The following DNAH12 variants were observed in gnomAD, a reference collection of about 807,000 sequenced individuals.
DNAH12 encodes the protein axonemal beta dynein heavy chain 12.
DNAH12 carries 285 observed loss-of-function variants against 371.5 expected under a neutral mutation model. That is an observed-to-expected ratio of 0.77 (90% CI 0.70 to 0.85). DNAH12 has a LOEUF of 0.85. DNAH12 is among the 40% of genes least tolerant of loss of function. DNAH12 has a pLI of 0.00. For synonymous variants in DNAH12, 1,200 were observed against 1,213.0 expected (o/e 0.99, Z 0.22); for missense variants, 3,611 against 3,689.4 (o/e 0.98, Z 0.55).
chr3:57,437,663 CT>C (rs1199220180), intron 29 of DNAH12, among the ~76,000 whole-genome samples: 1 of 152,122 alleles, frequency 6.6e-6, no homozygotes, highest in Non-Finnish European at 1.5e-5. Context: ...GTTGTGTGGG[CT>C]TATGTGACAG....
chr3:57,412,032 T>C (rs9853229), intron 39 of DNAH12, among the ~76,000 whole-genome samples: 85,391 of 152,026 alleles, frequency 0.56, 25,278 homozygotes, highest in African/African-American at 0.76. Context: ...TAAATACAGT[T>C]AACTAATCTT....
intron 22 of DNAH12, among the ~76,000 whole-genome samples, chr3:57,455,169 G>A (rs2065866915): frequency 6.6e-6 from 1 of 152,060 alleles, no homozygotes; most frequent in African/African-American, 2.4e-5. Context: ...TGATTTCTGT[G>A]TGATTTTTAT....
At chr3:57,301,711 C>G in intron 70 of DNAH12, 24 bp downstream of exon 70, 1 of 1,458,938 alleles carries the variant, frequency 6.9e-7, no homozygotes, top group Non-Finnish European at 9.3e-7. Context: ...CACACACACA[C>G]ACACACACAC....
chr3:57,303,430 G>A (rs1419345221), intron 69 of DNAH12, among the ~76,000 whole-genome samples: 17 of 57,944 alleles, frequency 2.9e-4, no homozygotes, highest in African/African-American at 1.0e-3. Context: ...TTTTTTTTTT[G>A]AGACAAGGTC....
chr3:57,337,901 C>G (rs184786485), intron 60 of DNAH12, among the ~76,000 whole-genome samples: 1 of 152,288 alleles, frequency 6.6e-6, no homozygotes, highest in Admixed American at 6.5e-5. Flanking sequence ...CAGAACATTT[C>G]ATAGTACTTG....
At chr3:57,321,222 T>TA (rs2061798067) in intron 65 of DNAH12, among the ~76,000 whole-genome samples, 2 of 152,310 alleles carry the variant, frequency 1.3e-5, no homozygotes, top group South Asian at 4.1e-4. Flanking sequence ...TACTAAGCTC[T>TA]CTTTCTAAAT....
At chr3:57,372,219 G>C (rs970803162) in intron 55 of DNAH12, among the ~76,000 whole-genome samples, 2 of 151,948 alleles carry the variant, frequency 1.3e-5, no homozygotes, top group African/African-American at 4.8e-5. Flanking sequence ...TGGAATGAAT[G>C]TATTAAAATA....
intron 11 of DNAH12, among the ~76,000 whole-genome samples, chr3:57,494,777 G>A (rs2067252554): frequency 6.6e-6 from 1 of 152,200 alleles, no homozygotes; most frequent in Admixed American, 6.6e-5. Context: ...GGGAGGCTGA[G>A]GCAGGCAGAT....
At position 57,379,644 on chromosome 3, in the gene DNAH12, C is replaced by T. The variant is rs1031190129; in HGVS notation, c.8083-346G>A. 2.9e-4 allele frequency among the ~76,000 whole-genome samples: 44 copies of T among 151,832 alleles called. 1 individual carries two copies. The highest frequency in any genetic ancestry group is 7.2e-4 in the Admixed American group (11 of 15,252). ...TCACTTGAGACCAGGAGTTCGAGGA[C>T]AGCCTGGCCAATATGGTAAAACCCT... On this transcript the variant is annotated intron_variant, in intron 51 of 73. Transcript: ENST00000495027.
At chr3:57,497,314 G>A (rs1414125034) in intron 11 of DNAH12, among the ~76,000 whole-genome samples, 6 of 152,158 alleles carry the variant, frequency 3.9e-5, no homozygotes, top group Non-Finnish European at 2.9e-5. Context: ...CAAAGTGGGA[G>A]AACTTGCACT....
chr3:57,432,168 C>CTTTT (rs61049709), intron 32 of DNAH12, among the ~76,000 whole-genome samples: 24 of 131,232 alleles, frequency 1.8e-4, no homozygotes, highest in South Asian at 2.4e-4. Flanking sequence ...TTCAGTATAT[C>CTTTT]TTTTTTTTTT....
At position 57,510,888 on chromosome 3, in the gene DNAH12, G is replaced by T; in HGVS notation, c.371C>A (p.Pro124His). ...EWLDHMLRLI[P>H]ESLKEGKERE... The stretch of plus-strand genomic sequence containing the variant: ...TTCTTTCCCTTCCTTTAAAGACTCA[G>T]GTATCAGCCTTAACATGTGATCCAG... The change falls in exon 5 of 74, where the codon CCT becomes CAT. Residue 124 changes from proline to histidine, a missense_variant. Physicochemically the swap from Pro to His is moderately conservative, Grantham distance 77. Coordinates refer to ENST00000495027, the MANE Select transcript of DNAH12 (RefSeq NM_001366028.2). 6.2e-7 allele frequency: 1 copy of T among 1,613,934 alleles called. No individual in the cohort carries two copies. The highest frequency in any genetic ancestry group is 2.2e-5 in the East Asian group (1 of 44,868).
intron 8 of DNAH12, among the ~76,000 whole-genome samples, chr3:57,506,705 G>T (rs952741446): frequency 2.0e-5 from 3 of 152,140 alleles, no homozygotes; most frequent in Non-Finnish European, 4.4e-5. Context: ...GCCTCCCAAA[G>T]TGCTGGTATT....
intron 69 of DNAH12, among the ~76,000 whole-genome samples, chr3:57,304,775 T>A (rs2061434393): frequency 6.6e-6 from 1 of 152,196 alleles, no homozygotes; most frequent in East Asian, 1.9e-4. Context: ...TCCGTGTCTC[T>A]ACACCTTTTC....
Position 57,501,363 on chromosome 3 carries a change from C to A in DNAH12, c.1293G>T (p.Glu431Asp). 1 of 1,595,932 alleles carries A rather than the reference C, an allele frequency of 6.3e-7. No individual in the cohort carries two copies. The change falls in exon 11 of 74, where the codon GAG (glutamate) becomes GAT (aspartate). Residue 431 changes from glutamate (E) to aspartate (D), a missense_variant. Glu to Asp is a conservative substitution (Grantham distance 45). This residue lies in a region of DNAH12 where 1,314 missense variants were observed against 1,398.7 expected (regional missense o/e 0.94). Transcript: ENST00000495027. ...LLDGTAVENI[E>D]TFQTEDHTFD... ...AAGTATGATCTTCTGTCTGAAAAGT[C>A]TCTATATTCTCAACTGCAGTCCCAT...
At chr3:57,550,546 T>C in the DNAH12 span, among the ~76,000 whole-genome samples, 1 of 152,156 alleles carries the variant, frequency 6.6e-6, no homozygotes, top group Non-Finnish European at 1.5e-5. Context: ...AGAGTCTCAC[T>C]CTGCCACCCA....
chr3:57,446,644 C>G lies in DNAH12; in HGVS notation c.3832G>C (p.Ala1278Pro). Residue 1278 changes from alanine (A) to proline (P), a missense_variant, in exon 26 of 74, where the codon GCA (alanine) becomes CCA (proline). By Grantham distance (27) the Ala-to-Pro change is conservative. This residue lies in a region of DNAH12 where 2,266 missense variants were observed against 2,236.9 expected (regional missense o/e 1.01). Coordinates refer to ENST00000495027, the MANE Select transcript of DNAH12 (RefSeq NM_001366028.2). ...LNLGGAPEGPAGTGKTETTKD... is the reference protein window; with the variant it reads ...LNLGGAPEGPPGTGKTETTKD... ...GTGGTTTCGGTTTTTCCTGTGCCTG[C>G]TGGCCCCTCTGGAGCACCTCCAAGG... is the stretch of plus-strand genomic sequence containing the variant. 2 of 1,549,148 alleles carry G rather than the reference C, an allele frequency of 1.3e-6. No homozygotes were observed. The highest frequency in any genetic ancestry group is 8.7e-7 in the Non-Finnish European group (1 of 1,145,654).
intron 58 of DNAH12, among the ~76,000 whole-genome samples, chr3:57,361,347 C>T (rs886109605): frequency 2.7e-5 from 4 of 150,238 alleles, no homozygotes; most frequent in Non-Finnish European, 5.9e-5. Context: ...AAAACTCTGT[C>T]TCAAAAAATA....
chr3:57,380,172 C>G (rs973986333), intron 51 of DNAH12, 106 bp downstream of exon 51: 24 of 151,960 alleles, frequency 1.6e-4, no homozygotes, highest in East Asian at 5.8e-4. Flanking sequence ...TATCTTAATC[C>G]TAAAATGGAC....
Sources: gnomAD v4.1 joint callset for allele counts (sites outside exome capture counted in the v4.1 genomes callset) on GRCh38, gnomAD v4.1.1 for gene constraint, gnomAD v4.1.1 regional missense constraint, MANE v1.5 for transcripts, NCBI Gene and HGNC (gene_info 2026-07-23, HGNC 2026-07-21) for gene names.